The following PTPRO variants were observed in gnomAD, a reference collection of about 807,000 sequenced individuals.
The protein encoded by PTPRO is protein tyrosine phosphatase receptor type O.
Under a neutral mutation model 145.2 loss-of-function variants are expected in PTPRO, and 62 were observed. That is an observed-to-expected ratio of 0.43 (90% CI 0.35 to 0.53). The LOEUF (loss-of-function observed/expected upper bound fraction) is 0.53, where lower values mean the gene tolerates loss of function less well. PTPRO is among the 20% of genes least tolerant of loss of function. The pLI is 0.01. For synonymous variants in PTPRO, 565 were observed against 514.7 expected (o/e 1.10, Z -1.32); for missense variants, 1,345 against 1,482.7 (o/e 0.91, Z 1.53).
chr12:15,484,220 C>T lies in PTPRO; in HGVS notation c.322C>T (p.Pro108Ser), dbSNP rs1195026705. 6.2e-7 allele frequency: 1 copy of T among 1,613,382 alleles called. No individual in the cohort carries two copies. ...VVVNGNVVTK[P>S]SRSITVLTKP... ...GGTAAATGGAAATGTGGTGACCAAG[C>T]CATCCAGATCAATCACTGTGTTAAC... Residue 108 changes from proline to serine, a missense_variant, in exon 2 of 27, where the codon CCA becomes TCA. This residue lies in a region of PTPRO where 1,130 missense variants were observed against 1,214.7 expected (regional missense o/e 0.93). Transcript: ENST00000281171.
rs530615687 is a variant in PTPRO, at chr12:15,556,995, G to A, written c.2559-460G>A. On this transcript the variant is annotated intron_variant, in intron 15 of 26. Coordinates refer to ENST00000281171, the MANE Select transcript of PTPRO (RefSeq NM_030667.3). Reference sequence around the variant, plus strand: ...TTCTGTTTTGCATTGTATGCCAAAAGGGAACATATGGAACTTCTATTAGCT... The same window carrying A: ...TTCTGTTTTGCATTGTATGCCAAAAAGGAACATATGGAACTTCTATTAGCT... Among the ~76,000 whole-genome samples the A allele has an allele frequency of 4.6e-5, 7 of 151,606 alleles. No homozygotes were observed. In the South Asian group the frequency reaches 1.2e-3, roughly 27 times the overall value.
intron 1 of PTPRO, among the ~76,000 whole-genome samples, chr12:15,377,448 G>C (rs1046126897): frequency 6.6e-6 from 1 of 152,050 alleles, no homozygotes; most frequent in South Asian, 2.1e-4. Context: ...GAAATAAATA[G>C]GTTGAAAGTA....
chr12:15,463,401 A>G (rs949298529), intron 1 of PTPRO, among the ~76,000 whole-genome samples: 1 of 152,214 alleles, frequency 6.6e-6, no homozygotes, highest in African/African-American at 2.4e-5. Context: ...ATGATTTATT[A>G]AAGTTTTATC....
chr12:15,574,159 A>G, intron 19 of PTPRO, among the ~76,000 whole-genome samples: 1 of 152,248 alleles, frequency 6.6e-6, no homozygotes, highest in East Asian at 1.9e-4. Context: ...GCCATAAGTC[A>G]TACATGAAGC....
rs1178900754 is a variant in PTPRO, at chr12:15,565,338, A to G, written c.2712-255A>G. ...AACAGCAGTTAGAAATTTCATTTCT[A>G]GAACTCAGTTTTTGGCAAATGGGAA... On this transcript the variant is annotated intron_variant, in intron 17 of 26. Coordinates refer to ENST00000281171, the MANE Select transcript of PTPRO (RefSeq NM_030667.3). The G allele has an allele frequency of 3.4e-5, 11 of 323,794 alleles. No homozygotes were observed. In the East Asian group the frequency reaches 6.3e-4, roughly 19 times the overall value. 20.1% of individuals were successfully genotyped at this position (323,794 alleles called of 1,614,324 possible). A position where few individuals can be genotyped will look rare whatever the true frequency, so the allele number is the denominator to read the frequency against.
chr12:15,585,812 G>A (rs1001917775), intron 23 of PTPRO, among the ~76,000 whole-genome samples: 41 of 152,312 alleles, frequency 2.7e-4, no homozygotes, highest in African/African-American at 9.4e-4. Flanking sequence ...CTGATAACAA[G>A]TGGAGAATAT....
intron 1 of PTPRO, among the ~76,000 whole-genome samples, chr12:15,397,565 C>T (rs1939375646): frequency 6.6e-6 from 1 of 152,158 alleles, no homozygotes; most frequent in Non-Finnish European, 1.5e-5. Context: ...CATTTTACCT[C>T]CAACTGAGAA....
At chr12:15,562,188 C>A (rs1943790453) in intron 17 of PTPRO, among the ~76,000 whole-genome samples, 1 of 152,046 alleles carries the variant, frequency 6.6e-6, no homozygotes, top group Admixed American at 6.6e-5. Flanking sequence ...CCCTTTTGTA[C>A]AATGCCAGAT....
Position 15,461,429 on chromosome 12 carries a change from G to A in PTPRO, c.76-22545G>A, listed in dbSNP as rs555038971. 5.5e-4 allele frequency among the ~76,000 whole-genome samples: 84 copies of A among 152,146 alleles called. 1 individual carries two copies. The highest frequency in any genetic ancestry group is 1.8e-3 in the African/African-American group (74 of 41,494). ...GTGCTCAGTGTCTGCCAAGGGCTGC[G>A]TCACAGGCCATGGTCACTCATTTGG... On this transcript the variant is annotated intron_variant, in intron 1 of 26. Coordinates refer to ENST00000281171, the MANE Select transcript of PTPRO (RefSeq NM_030667.3).
chr12:15,408,775 G>A (rs1386127568), intron 1 of PTPRO, among the ~76,000 whole-genome samples: 1 of 152,072 alleles, frequency 6.6e-6, no homozygotes, highest in Non-Finnish European at 1.5e-5. Context: ...TTATCTCTGA[G>A]GTGTGGAAAT....
intron 23 of PTPRO, among the ~76,000 whole-genome samples, chr12:15,585,335 T>C (rs1365807740): frequency 2.0e-5 from 3 of 152,202 alleles, no homozygotes; most frequent in Non-Finnish European, 4.4e-5. Flanking sequence ...CAATTCTTTA[T>C]GCCCAAGATA....
At chr12:15,437,406 C>T (rs79379337) in intron 1 of PTPRO, among the ~76,000 whole-genome samples, 4,365 of 151,226 alleles carry the variant, frequency 0.029, 226 homozygotes, top group African/African-American at 0.1. Context: ...TCACCAGGAC[C>T]ACCAAGACTG....
intron 21 of PTPRO, among the ~76,000 whole-genome samples, 162 bp downstream of exon 21, chr12:15,580,277 A>G (rs937457133): frequency 2.0e-5 from 3 of 152,242 alleles, no homozygotes. Flanking sequence ...AAGAATAGAA[A>G]GAAAAAGTCC....
chr12:15,583,065 T>A (rs1944354545), intron 23 of PTPRO, among the ~76,000 whole-genome samples: 2 of 152,238 alleles, frequency 1.3e-5, no homozygotes, highest in African/African-American at 4.8e-5. Flanking sequence ...TGTTCTTCCC[T>A]GCTTAGAAAC....
chr12:15,347,673 T>C (rs1867272829), intron 1 of PTPRO, among the ~76,000 whole-genome samples: 1 of 152,194 alleles, frequency 6.6e-6, no homozygotes, highest in African/African-American at 2.4e-5. Flanking sequence ...GATAAATTTT[T>C]CTGCAAGTAT....
chr12:15,513,058 G>A (rs1349856918), intron 7 of PTPRO, among the ~76,000 whole-genome samples: 3 of 137,572 alleles, frequency 2.2e-5, no homozygotes, highest in Non-Finnish European at 4.7e-5. Flanking sequence ...GAAGGAAGGA[G>A]AAAGAGAAAG....
chr12:15,324,850 ATATC>A (rs1866402373), intron 1 of PTPRO, among the ~76,000 whole-genome samples: 1 of 152,150 alleles, frequency 6.6e-6, no homozygotes, highest in Non-Finnish European at 1.5e-5. Flanking sequence ...ACACAGTGTA[ATATC>A]TTACATTTAG....
intron 1 of PTPRO, among the ~76,000 whole-genome samples, chr12:15,481,801 T>C (rs937046316): frequency 4.6e-5 from 7 of 152,220 alleles, no homozygotes; most frequent in African/African-American, 1.7e-4. Flanking sequence ...AAAAAGTCAG[T>C]ACATTTTTCA....
chr12:15,500,446 C>T (rs1942197020), intron 4 of PTPRO, among the ~76,000 whole-genome samples: 1 of 152,100 alleles, frequency 6.6e-6, no homozygotes, highest in African/African-American at 2.4e-5. Flanking sequence ...GCACCTTCTA[C>T]CTGGAAGTTG....
Sources: allele counts gnomAD v4.1 joint callset (sites outside exome capture counted in the v4.1 genomes callset), GRCh38; gene constraint gnomAD v4.1.1; regional missense constraint gnomAD v4.1.1; transcripts MANE v1.5; gene names NCBI Gene and HGNC (gene_info 2026-07-23, HGNC 2026-07-21).